The following TP73 variants were observed in gnomAD, a reference collection of about 807,000 sequenced individuals.
The protein encoded by TP73 is tumor protein p73, also known as p53-like transcription factor.
In TP73, 25 loss-of-function variants were observed where a neutral mutation model predicts 62.5. The ratio of observed to expected loss-of-function variants is 0.40; its 90% CI spans 0.29 to 0.56. The LOEUF (loss-of-function observed/expected upper bound fraction) is 0.56. Among genes scored for constraint, TP73 ranks in the 20% least tolerant of loss-of-function variants. The pLI is 0.46. For synonymous variants in TP73, 423 were observed against 377.5 expected (o/e 1.12, Z -1.40); for missense variants, 754 against 913.3 (o/e 0.83, Z 2.25).
At chr1:3,697,143 C>T (rs1332629016) in intron 3 of TP73, among the ~76,000 whole-genome samples, 1 of 150,508 alleles carries the variant, frequency 6.6e-6, no homozygotes, top group South Asian at 2.1e-4. Context: ...GCCTGGGGCC[C>T]CTGCGGGGCC....
intron 3 of TP73, among the ~76,000 whole-genome samples, chr1:3,704,309 G>T (rs1639450970): frequency 6.6e-6 from 1 of 152,208 alleles, no homozygotes; most frequent in Non-Finnish European, 1.5e-5. Context: ...GGTGAGCGAG[G>T]TGTTTTCCGT....
At chr1:3,664,016 C>T (rs1296911218) in intron 1 of TP73, among the ~76,000 whole-genome samples, 3 of 152,198 alleles carry the variant, frequency 2.0e-5, no homozygotes, top group Admixed American at 6.5e-5. Context: ...CTGGAGAGGC[C>T]ACTGCTGTAT....
At chr1:3,675,864 A>G (rs1177010477) in intron 1 of TP73, among the ~76,000 whole-genome samples, 1 of 152,118 alleles carries the variant, frequency 6.6e-6, no homozygotes, top group African/African-American at 2.4e-5. Context: ...GGCCAAGGAA[A>G]TGTCTGGTCT....
Position 3,723,344 on chromosome 1 carries a change from C to T in TP73, c.617-10C>T. ...ATGCACCTCTCTGAAGTGTCGACCC[C>T]TCCCGGCAGGACAGTCTGCTCCAGC... On this transcript the variant is annotated splice_polypyrimidine_tract_variant and intron_variant, in intron 5 of 13. Coordinates refer to ENST00000378295, the MANE Select transcript of TP73 (RefSeq NM_005427.4). 1 of 1,611,522 alleles carries T rather than the reference C, an allele frequency of 6.2e-7. No individual in the cohort carries two copies. Among genetic ancestry groups the T allele is most frequent in the Non-Finnish European group, 8.5e-7 (1 of 1,178,998 alleles).
At chr1:3,711,419 C>T (rs972854090) in intron 4 of TP73, among the ~76,000 whole-genome samples, 1 of 152,248 alleles carries the variant, frequency 6.6e-6, no homozygotes, top group South Asian at 2.1e-4. Context: ...CAGCTGGTTC[C>T]AGGAGGCCCT....
At position 3,666,531 on chromosome 1, in the gene TP73, A is replaced by G. The variant is rs111524403; in HGVS notation, c.-34+13890A>G. 1.7e-3 allele frequency among the ~76,000 whole-genome samples: 264 copies of G among 152,246 alleles called. 1 individual carries two copies. Among genetic ancestry groups the G allele is most frequent in the African/African-American group, 6.1e-3 (255 of 41,542 alleles). ...AAATACTGAAGAGCTGTGGGGAGAA[A>G]GGAAGGGGTCTGACAGTGAAGGTGG... is the stretch of plus-strand genomic sequence containing the variant. On this transcript the variant is annotated intron_variant, in intron 1 of 13. Coordinates refer to ENST00000378295, the MANE Select transcript of TP73 (RefSeq NM_005427.4). The surrounding 1 kb of genome is among the most constrained non-coding windows in gnomAD (Gnocchi z 6.4).
intron 1 of TP73, 43 bp from the exon 2 acceptor site, chr1:3,682,290 C>T (rs184628732): frequency 1.3e-4 from 177 of 1,377,522 alleles, no homozygotes; most frequent in African/African-American, 1.0e-3. Flanking sequence ...GGACAGAGCA[C>T]GAGTTCCCAG....
intron 1 of TP73, among the ~76,000 whole-genome samples, chr1:3,679,825 GTCTCTCTTTGTCCTTGTATCTC>G (rs1645475866): frequency 1.4e-5 from 1 of 73,888 alleles, no homozygotes; most frequent in Admixed American, 1.5e-4. Context: ...CTCTGTCTCT[GTCTCTCTTTGTCCTTGTATCTC>G]TCTGTCTCTC....
intron 6 of TP73, among the ~76,000 whole-genome samples, chr1:3,724,543 C>T (rs1641350257): frequency 6.6e-6 from 1 of 152,230 alleles, no homozygotes; most frequent in Non-Finnish European, 1.5e-5. Context: ...AACCCATGTC[C>T]CACCCTCACC....
chr1:3,669,578 A>G (rs933129894), intron 1 of TP73, among the ~76,000 whole-genome samples: 2 of 152,196 alleles, frequency 1.3e-5, no homozygotes, highest in Non-Finnish European at 2.9e-5. Flanking sequence ...CCTCAGCCTC[A>G]CACAGCTGAT....
intron 10 of TP73, 118 bp from the exon 11 acceptor site, chr1:3,729,882 C>T: frequency 1.5e-6 from 2 of 1,373,378 alleles, no homozygotes; most frequent in African/African-American, 1.5e-5. Flanking sequence ...AGGATGAAGC[C>T]ACTCTCTGAC....
intron 1 of TP73, among the ~76,000 whole-genome samples, chr1:3,657,482 C>A (rs1644888896): frequency 6.6e-6 from 1 of 152,242 alleles, no homozygotes; most frequent in Admixed American, 6.5e-5. Flanking sequence ...GTGGCATCTG[C>A]AAAGACCCTG....
chr1:3,726,479 AATGG>A (rs1318874789), intron 6 of TP73, among the ~76,000 whole-genome samples: 1 of 129,712 alleles, frequency 7.7e-6, no homozygotes, highest in African/African-American at 3.2e-5. Flanking sequence ...ATTGATATTG[AATGG>A]ATGGGTGGGT....
intron 3 of TP73, among the ~76,000 whole-genome samples, chr1:3,691,183 C>T (rs1475174738): frequency 6.6e-6 from 1 of 152,036 alleles, no homozygotes; most frequent in Non-Finnish European, 1.5e-5. Flanking sequence ...GGACCCGCAG[C>T]CAGGGAGAGG....
intron 7 of TP73, 110 bp downstream of exon 7, chr1:3,727,334 G>C (rs1641731943): frequency 2.3e-5 from 26 of 1,154,202 alleles, no homozygotes; most frequent in Non-Finnish European, 2.5e-6. Context: ...TTGGGGAAGA[G>C]ACTTTGGGGT....
In TP73 at chr1:3,698,064, T is replaced by C. The variant is rs538045563; in HGVS notation, c.187-9485T>C. The C allele has an allele frequency of 1.2e-3, 1,206 of 985,586 alleles. 1 individual carries two copies. The highest frequency in any genetic ancestry group is 1.4e-3 in the Non-Finnish European group (1,166 of 830,026). 61.1% of individuals were successfully genotyped at this position (985,586 alleles called of 1,614,324 possible). A position where few individuals can be genotyped will look rare whatever the true frequency, so the allele number is the denominator to read the frequency against. ...AGCCACTAATGTGTGCTGGAAGGTG[T>C]CCAGGAAGCCCTGCTAAGCATCTGT... On this transcript the variant is annotated intron_variant, in intron 3 of 13. Coordinates refer to ENST00000378295, the MANE Select transcript of TP73 (RefSeq NM_005427.4).
At chr1:3,695,420 C>G (rs1343793606) in intron 3 of TP73, among the ~76,000 whole-genome samples, 1 of 152,228 alleles carries the variant, frequency 6.6e-6, no homozygotes, top group Non-Finnish European at 1.5e-5. Context: ...GGGGCTGGAG[C>G]CTGTCTCGCC....
intron 3 of TP73, among the ~76,000 whole-genome samples, chr1:3,693,722 T>C (rs796997204): frequency 0.054 from 2,427 of 44,660 alleles, 32 homozygotes; most frequent in Non-Finnish European, 0.078. Flanking sequence ...CCCCTCCTCC[T>C]GCAATCCCAG....
intron 3 of TP73, among the ~76,000 whole-genome samples, chr1:3,692,700 C>G (rs1233763493): frequency 6.6e-6 from 1 of 152,118 alleles, no homozygotes; most frequent in African/African-American, 2.4e-5. Flanking sequence ...CGCTGCCTGG[C>G]CAGCCGAGAA....
Sources: allele counts gnomAD v4.1 joint callset (sites outside exome capture counted in the v4.1 genomes callset), GRCh38; gene constraint gnomAD v4.1.1; non-coding constraint Gnocchi (gnomAD v3.1); transcripts MANE v1.5; gene names NCBI Gene and HGNC (gene_info 2026-07-23, HGNC 2026-07-21).